The following ATF7 variants were observed in gnomAD, a reference collection of about 807,000 sequenced individuals.
ATF7 encodes cyclic AMP-dependent transcription factor ATF-7.
In ATF7, 10 loss-of-function variants were observed where a neutral mutation model predicts 50.4. The observed-to-expected ratio is 0.20, with a 90% confidence interval of 0.12 to 0.34. The LOEUF is 0.34. Among genes scored for constraint, ATF7 ranks in the 10% least tolerant of loss-of-function variants. The pLI is 1.00. For missense variants in ATF7, 465 were observed against 613.9 expected, an observed-to-expected ratio of 0.76 and a Z score of 2.56; for synonymous variants, 201 against 226.4, an observed-to-expected ratio of 0.89 and a Z score of 1.01.
intron 3 of ATF7, among the ~76,000 whole-genome samples, chr12:53,550,883 G>A (rs1231241053): frequency 1.3e-5 from 2 of 152,098 alleles, no homozygotes; most frequent in Non-Finnish European, 1.5e-5. Context: ...GACCATCCTG[G>A]AGCAAGTTCT....
At chr12:53,554,237 TCTC>T in intron 2 of ATF7, among the ~76,000 whole-genome samples, 1 of 152,276 alleles carries the variant, frequency 6.6e-6, no homozygotes, top group South Asian at 2.1e-4. Context: ...TTCAAGCAAT[TCTC>T]CTGTCTCAGC....
At chr12:53,569,000 A>G (rs1941606625) in intron 2 of ATF7, among the ~76,000 whole-genome samples, 2 of 152,238 alleles carry the variant, frequency 1.3e-5, no homozygotes, top group South Asian at 4.1e-4. Flanking sequence ...CTCTTAAAAA[A>G]TTTAAAGAGT....
rs1470552321 is a variant in ATF7 at position 53,516,706 on chromosome 12, C to G, written c.*431G>C. 7 of 188,266 alleles carry G rather than the reference C, an allele frequency of 3.7e-5. No individual in the cohort carries two copies. Among genetic ancestry groups the G allele is most frequent in the African/African-American group, 1.4e-4 (6 of 43,380 alleles). 11.7% of individuals were successfully genotyped at this position (188,266 alleles called of 1,614,324 possible). ...TAATATGTCATCAAATCTAGCCTCCCTCTATCTGGCAGGAAGTGGCATGCT... is the reference window on the plus strand; with the variant it reads ...TAATATGTCATCAAATCTAGCCTCCGTCTATCTGGCAGGAAGTGGCATGCT... On this transcript the variant is annotated 3_prime_UTR_variant, in exon 12 of 12. Coordinates refer to ENST00000420353, the MANE Select transcript of ATF7 (RefSeq NM_006856.3).
At chr12:53,612,141 A>G (rs902765827) in intron 1 of ATF7, among the ~76,000 whole-genome samples, 8 of 148,846 alleles carry the variant, frequency 5.4e-5, no homozygotes, top group African/African-American at 1.7e-4. Flanking sequence ...ACACACAGCT[A>G]ATTTTTGTAT....
At chr12:53,579,142 G>A (rs1942258624) in intron 2 of ATF7, among the ~76,000 whole-genome samples, 1 of 152,070 alleles carries the variant, frequency 6.6e-6, no homozygotes, top group Non-Finnish European at 1.5e-5. Flanking sequence ...TACTTGGGAG[G>A]CTGAGGCACA....
intron 2 of ATF7, among the ~76,000 whole-genome samples, chr12:53,578,367 C>CAAAA (rs56914905): frequency 1.9e-5 from 2 of 107,770 alleles, no homozygotes; most frequent in Non-Finnish European, 3.6e-5. Flanking sequence ...GATCTTCTCT[C>CAAAA]AAAAAAAAAA....
chr12:53,622,647 C>T (rs1944437244), intron 1 of ATF7, among the ~76,000 whole-genome samples: 1 of 128,894 alleles, frequency 7.8e-6, no homozygotes, highest in Admixed American at 8.3e-5. Flanking sequence ...TGCGAAATTG[C>T]GTCTCAAAAA....
At chr12:53,581,685 G>A (rs1942431789) in intron 2 of ATF7, among the ~76,000 whole-genome samples, 1 of 152,046 alleles carries the variant, frequency 6.6e-6, no homozygotes, top group South Asian at 2.1e-4. Flanking sequence ...AGCAGAAACA[G>A]TGATTAGTGG....
intron 1 of ATF7, among the ~76,000 whole-genome samples, chr12:53,613,489 A>G (rs919451041): frequency 3.3e-5 from 5 of 152,144 alleles, no homozygotes; most frequent in African/African-American, 1.2e-4. Context: ...TAACCCAGAT[A>G]AACAAATGCT....
At chr12:53,533,980 A>G (rs1232013000) in intron 6 of ATF7, among the ~76,000 whole-genome samples, 1 of 152,226 alleles carries the variant, frequency 6.6e-6, no homozygotes, top group Non-Finnish European at 1.5e-5. Context: ...CCTTAAATTA[A>G]GAAAGTATTA....
chr12:53,596,776 A>G (rs762736862), intron 2 of ATF7, among the ~76,000 whole-genome samples: 2 of 152,262 alleles, frequency 1.3e-5, no homozygotes, highest in Non-Finnish European at 2.9e-5. Context: ...TAAAAAACTT[A>G]TAAGACTTCC....
At chr12:53,558,672 C>A (rs960886334) in intron 2 of ATF7, among the ~76,000 whole-genome samples, 2 of 152,042 alleles carry the variant, frequency 1.3e-5, no homozygotes, top group African/African-American at 4.8e-5. Flanking sequence ...CTAATCAAAA[C>A]AATTTTGGCT....
In ATF7 at chr12:53,575,871, C is replaced by T. The variant is rs1592909906; in HGVS notation, c.49-23234G>A. 2.0e-5 allele frequency: 3 copies of T among 152,832 alleles called. No individual in the cohort carries two copies. In the Admixed American group the frequency reaches 2.0e-4, roughly 10 times the overall value. 9.5% of individuals were successfully genotyped at this position (152,832 alleles called of 1,614,324 possible). A position where few individuals can be genotyped will look rare whatever the true frequency, so the allele number is the denominator to read the frequency against. Reference sequence around the variant, plus strand: ...ACTCAGGGAAGAAGTCTTTTGTATGCAAGGAGTGTAGGTAAGACTTTACCC... The same window carrying T: ...ACTCAGGGAAGAAGTCTTTTGTATGTAAGGAGTGTAGGTAAGACTTTACCC... On this transcript the variant is annotated intron_variant, in intron 2 of 11. Coordinates refer to ENST00000420353, the MANE Select transcript of ATF7 (RefSeq NM_006856.3).
At chr12:53,562,410 C>T (rs569114808) in intron 2 of ATF7, among the ~76,000 whole-genome samples, 8 of 152,222 alleles carry the variant, frequency 5.3e-5, no homozygotes, top group Middle Eastern at 3.4e-3. Flanking sequence ...GAGGCCGAGG[C>T]GGGCAGATCA....
chr12:53,568,491 A>G (rs1941575749), intron 2 of ATF7, among the ~76,000 whole-genome samples: 1 of 152,196 alleles, frequency 6.6e-6, no homozygotes, highest in Non-Finnish European at 1.5e-5. Context: ...CAAGCTATCA[A>G]AGCTTACAGG....
chr12:53,582,948 C>T (rs768918659), intron 2 of ATF7, among the ~76,000 whole-genome samples: 3 of 152,158 alleles, frequency 2.0e-5, no homozygotes, highest in South Asian at 2.1e-4. Flanking sequence ...AATATAGTCA[C>T]TGATCTTTGA....
intron 1 of ATF7, among the ~76,000 whole-genome samples, chr12:53,605,258 G>T (rs893013103): frequency 6.6e-6 from 1 of 151,650 alleles, no homozygotes; most frequent in Non-Finnish European, 1.5e-5. Context: ...GCATGGTGGC[G>T]CATGCCTGTA....
intron 1 of ATF7, among the ~76,000 whole-genome samples, chr12:53,622,127 C>A (rs1247716302): frequency 3.3e-5 from 5 of 151,762 alleles, no homozygotes; most frequent in Non-Finnish European, 5.9e-5. Flanking sequence ...ATGGTGAAAC[C>A]CCGTCTCTAC....
intron 4 of ATF7, among the ~76,000 whole-genome samples, chr12:53,541,791 A>T (rs1312765041): frequency 6.6e-6 from 1 of 152,138 alleles, no homozygotes; most frequent in South Asian, 2.1e-4. Context: ...ATTTGTTCAC[A>T]CTAGATCTCT....
Sources: gnomAD v4.1 joint callset for allele counts (sites outside exome capture counted in the v4.1 genomes callset) on GRCh38, gnomAD v4.1.1 for gene constraint, MANE v1.5 for transcripts, NCBI Gene and HGNC (gene_info 2026-07-23, HGNC 2026-07-21) for gene names.